The following STRBP variants were observed in gnomAD, a reference collection of about 807,000 sequenced individuals.
STRBP encodes the protein spermatid perinuclear RNA binding protein.
In STRBP, 13 loss-of-function variants were observed where a neutral mutation model predicts 80.1. The observed-to-expected ratio is 0.16, with a 90% CI of 0.11 to 0.26. The LOEUF (loss-of-function observed/expected upper bound fraction) is 0.26. STRBP is among the 10% of genes least tolerant of loss of function. The probability of loss-of-function intolerance (pLI) is 1.00; values close to 1 mark genes in which losing one functional copy is unlikely to be tolerated. For missense variants in STRBP, 485 were observed against 815.2 expected, an observed-to-expected ratio of 0.59 and a Z score of 4.93; for synonymous variants, 284 against 291.2, an observed-to-expected ratio of 0.98 and a Z score of 0.25.
At chr9:123,140,016 A>T (rs2036522655) in intron 13 of STRBP, among the ~76,000 whole-genome samples, 1 of 152,206 alleles carries the variant, frequency 6.6e-6, no homozygotes, top group Admixed American at 6.5e-5. Context: ...AACCAATAGG[A>T]TAAGGACAGA....
downstream of STRBP, among the ~76,000 whole-genome samples, chr9:123,119,487 G>A (rs1443391171): frequency 6.7e-6 from 1 of 150,238 alleles, no homozygotes; most frequent in Non-Finnish European, 1.5e-5. Flanking sequence ...CCTTAAGCTT[G>A]GATCTGCAGC....
At chr9:123,257,683 T>A (rs1029019445) in intron 1 of STRBP, among the ~76,000 whole-genome samples, 6 of 152,098 alleles carry the variant, frequency 3.9e-5, no homozygotes, top group Non-Finnish European at 7.3e-5. Context: ...CCAGGCATGG[T>A]GGCACATGTC....
At chr9:123,175,825 T>C (rs528947871) in intron 4 of STRBP, among the ~76,000 whole-genome samples, 47 of 152,222 alleles carry the variant, frequency 3.1e-4, no homozygotes, top group Non-Finnish European at 6.0e-4. Context: ...TCCAAAGTAC[T>C]GTATACAGCA....
intron 2 of STRBP, among the ~76,000 whole-genome samples, chr9:123,211,753 A>G (rs2039717225): frequency 6.6e-6 from 1 of 152,208 alleles, no homozygotes; most frequent in South Asian, 2.1e-4. Context: ...ACTTTAAAAT[A>G]TTGAATTGCT....
At chr9:123,257,228 C>G (rs2041051945) in intron 1 of STRBP, among the ~76,000 whole-genome samples, 1 of 152,044 alleles carries the variant, frequency 6.6e-6, no homozygotes, top group Non-Finnish European at 1.5e-5. Context: ...TAATGCTATT[C>G]CCTCCATATG....
At chr9:123,220,053 G>A (rs148483879) in intron 2 of STRBP, among the ~76,000 whole-genome samples, 1 of 152,072 alleles carries the variant, frequency 6.6e-6, no homozygotes, top group African/African-American at 2.4e-5. Context: ...ATTCTAAAGG[G>A]TATTCTTCAG....
At chr9:123,227,598 C>T (rs1293500284) in intron 2 of STRBP, among the ~76,000 whole-genome samples, 2 of 136,530 alleles carry the variant, frequency 1.5e-5, no homozygotes, top group African/African-American at 2.7e-5. Flanking sequence ...TAGAGTCTCA[C>T]TCTGTCGCTC....
intron 12 of STRBP, 62 bp from the exon 13 acceptor site, chr9:123,147,116 T>C: frequency 6.6e-7 from 1 of 1,507,042 alleles, no homozygotes; most frequent in Non-Finnish European, 9.1e-7. Flanking sequence ...TTTATGCGTT[T>C]TTGGGGTTCC....
Position 123,125,177 on chromosome 9 carries a change from C to G in STRBP, c.*420G>C. 3 of 985,812 alleles carry G rather than the reference C, an allele frequency of 3.0e-6. No individual in the cohort carries two copies. Among genetic ancestry groups the G allele is most frequent in the Non-Finnish European group, 3.6e-6 (3 of 829,646 alleles). 61.1% of individuals were successfully genotyped at this position (985,812 alleles called of 1,614,324 possible). A position where few individuals can be genotyped will look rare whatever the true frequency, so the allele number is the denominator to read the frequency against. ...CCTGGGGCAAATACATATCAATCAA[C>G]TAAGAATCAGTGACTGCATCAGGAA... On this transcript the variant is annotated 3_prime_UTR_variant, in exon 19 of 19. Coordinates refer to ENST00000348403, the MANE Select transcript of STRBP (RefSeq NM_018387.5).
intron 1 of STRBP, among the ~76,000 whole-genome samples, chr9:123,253,755 A>T (rs928999443): frequency 1.3e-5 from 2 of 152,252 alleles, no homozygotes; most frequent in African/African-American, 4.8e-5. Flanking sequence ...ATTAAATAGC[A>T]TAAGAAGGAT....
At chr9:123,257,855 CAA>C (rs915720887) in intron 1 of STRBP, among the ~76,000 whole-genome samples, 1 of 151,396 alleles carries the variant, frequency 6.6e-6, no homozygotes, top group Non-Finnish European at 1.5e-5. Flanking sequence ...ATAACTTATA[CAA>C]AAGATACATA....
chr9:123,256,271 G>A (rs1406754713), intron 1 of STRBP, among the ~76,000 whole-genome samples: 3 of 151,786 alleles, frequency 2.0e-5, no homozygotes, highest in Non-Finnish European at 2.9e-5. Flanking sequence ...CTCCGCCTTG[G>A]TGTCCCAAAA....
intron 2 of STRBP, among the ~76,000 whole-genome samples, chr9:123,205,623 CAT>C (rs1247721567): frequency 6.6e-6 from 1 of 152,146 alleles, no homozygotes; most frequent in Admixed American, 6.5e-5. Context: ...AAAAGAAATA[CAT>C]AGATTCACCA....
rs2035853057 is a variant in STRBP, at chr9:123,125,371, T to C, written c.*226A>G. On this transcript the variant is annotated 3_prime_UTR_variant, in exon 19 of 19. Coordinates refer to ENST00000348403, the MANE Select transcript of STRBP (RefSeq NM_018387.5). The stretch of plus-strand genomic sequence containing the variant: ...AGAACAGAAGGGCTGGTATAAGTTA[T>C]TTTCCAGAAATGAGGTACCGTTTTC... The C allele has an allele frequency of 1.5e-5, 18 of 1,217,694 alleles. No individual in the cohort carries two copies. The highest frequency in any genetic ancestry group is 1.8e-5 in the Non-Finnish European group (18 of 978,266). 75.4% of individuals were successfully genotyped at this position (1,217,694 alleles called of 1,614,324 possible). A position where few individuals can be genotyped will look rare whatever the true frequency, so the allele number is the denominator to read the frequency against.
chr9:123,257,413 CACAA>C (rs781454577), intron 1 of STRBP, among the ~76,000 whole-genome samples: 5 of 151,624 alleles, frequency 3.3e-5, no homozygotes, highest in Admixed American at 1.3e-4. Flanking sequence ...TTTTAAAACA[CACAA>C]ACACACACAC....
rs1374870050 is a variant in STRBP at position 123,123,040 on chromosome 9, T to C, written c.*2557A>G. ...GTGTCAGAGTGGAGTGTCTGAAAGC[T>C]GGATAGCCTCAGGGTGTCACATTGC... On this transcript the variant is annotated 3_prime_UTR_variant, in exon 19 of 19. Transcript: ENST00000348403. 2.3e-5 allele frequency: 23 copies of C among 985,320 alleles called. No individual in the cohort carries two copies. Among genetic ancestry groups the C allele is most frequent in the Non-Finnish European group, 2.7e-5 (22 of 829,928 alleles). 61.0% of individuals were successfully genotyped at this position (985,320 alleles called of 1,614,324 possible). A position where few individuals can be genotyped will look rare whatever the true frequency, so the allele number is the denominator to read the frequency against.
chr9:123,176,652 G>T (rs2038232710), intron 4 of STRBP, among the ~76,000 whole-genome samples: 1 of 152,126 alleles, frequency 6.6e-6, no homozygotes, highest in South Asian at 2.1e-4. Flanking sequence ...GCTGTTATTA[G>T]CTCAGTTATT....
intron 11 of STRBP, among the ~76,000 whole-genome samples, chr9:123,153,062 G>A (rs1187916947): frequency 6.6e-6 from 1 of 152,092 alleles, no homozygotes; most frequent in Non-Finnish European, 1.5e-5. Flanking sequence ...GCTTCTTTGT[G>A]GAGAACAGAT....
intron 2 of STRBP, chr9:123,214,006 A>C (rs191678305): frequency 7.9e-5 from 12 of 152,242 alleles, no homozygotes; most frequent in Non-Finnish European, 1.5e-4. Context: ...CCAGAGGAAA[A>C]GAAGTCATTA....
Sources: allele counts gnomAD v4.1 joint callset (sites outside exome capture counted in the v4.1 genomes callset), GRCh38; gene constraint gnomAD v4.1.1; transcripts MANE v1.5; gene names NCBI Gene and HGNC (gene_info 2026-07-23, HGNC 2026-07-21).